Variants in PCDHA9 observed in about 807,000 individuals in gnomAD.
PCDHA9 encodes protocadherin alpha-9.
A neutral mutation model predicts 62.0 loss-of-function variants in PCDHA9; 62 were observed. The observed-to-expected ratio is 1.00, with a 90% CI of 0.81 to 1.23. PCDHA9 has a LOEUF of 1.23. Among genes scored for constraint, PCDHA9 ranks in the 50% most tolerant of loss-of-function variants. PCDHA9 has a pLI of 0.00. For missense variants in PCDHA9, 1,205 were observed against 1,249.8 expected (o/e 0.96, Z 0.54); for synonymous variants, 557 against 567.6 (o/e 0.98, Z 0.27).
At chr5:140,866,827 AT>A (rs1488157876) in intron 1 of PCDHA9, 1 of 152,132 alleles carries the variant, frequency 6.6e-6, no homozygotes, top group Non-Finnish European at 1.5e-5. Context: ...TCTTCAATTG[AT>A]TTTACAAAAT....
intron 1 of PCDHA9, chr5:140,871,341 C>G (rs2053000377): frequency 6.2e-7 from 1 of 1,614,188 alleles, no homozygotes; most frequent in African/African-American, 1.3e-5. Context: ...CGGTGGGGAG[C>G]TGGTCATACT....
chr5:140,869,210 C>T (rs781978731), intron 1 of PCDHA9: 2 of 1,613,814 alleles, frequency 1.2e-6, no homozygotes, highest in African/African-American at 2.7e-5. Context: ...TACTCCGTCT[C>T]GGAGGAGGCC....
At chr5:140,851,067 G>A in intron 1 of PCDHA9, 178 bp downstream of exon 1, 4 of 1,367,668 alleles carry the variant, frequency 2.9e-6, no homozygotes, top group Non-Finnish European at 3.8e-6. Context: ...CTTCTAGTGA[G>A]AATTATAAAC....
rs562972971 is a variant in PCDHA9, at chr5:140,960,395, A to AG, written c.2395-18547dup. 1.1e-4 allele frequency among the ~76,000 whole-genome samples: 17 copies of AG among 152,266 alleles called. No individual in the cohort carries two copies. The Middle Eastern group carries it at 0.014, about 123-fold the overall frequency. ...TTAAGTGCCAAGACATTAGGATGCAAGGGGGGGTGCCCAAAAAGTCAACAA... is the reference window on the plus strand; with the variant it reads ...TTAAGTGCCAAGACATTAGGATGCAAGGGGGGGGTGCCCAAAAAGTCAACAA... On this transcript the variant is annotated intron_variant, in intron 1 of 3. Coordinates refer to ENST00000532602, the MANE Select transcript of PCDHA9 (RefSeq NM_031857.2).
chr5:140,943,657 C>T (rs531235288), intron 1 of PCDHA9, among the ~76,000 whole-genome samples: 51 of 151,756 alleles, frequency 3.4e-4, no homozygotes, highest in African/African-American at 1.2e-3. Flanking sequence ...CATCTATGAA[C>T]AATGTATAAA....
Position 140,856,989 on chromosome 5 carries a change from C to T in PCDHA9, c.2394+6100C>T. 3.1e-6 allele frequency: 5 copies of T among 1,595,206 alleles called. 1 individual carries two copies. The highest frequency in any genetic ancestry group is 1.1e-5 in the South Asian group (1 of 90,500). ...GCTATTGACTTTGAGGACAGTAACA[C>T]TTATGAAATTCATGTAGATGTTACA... is the stretch of plus-strand genomic sequence containing the variant. On this transcript the variant is annotated intron_variant, in intron 1 of 3. Transcript: ENST00000532602.
intron 3 of PCDHA9, among the ~76,000 whole-genome samples, chr5:141,000,385 CTCTCTCTCTCTATATA>C (rs1454405199): frequency 1.1e-4 from 7 of 64,984 alleles, no homozygotes; most frequent in African/African-American, 4.8e-4. Flanking sequence ...CTCTCTCTCT[CTCTCTCTCTCTATATA>C]TATATATATA....
chr5:140,883,946 G>T (rs139225969), intron 1 of PCDHA9: 2 of 1,613,274 alleles, frequency 1.2e-6, no homozygotes, highest in Non-Finnish European at 1.7e-6. Flanking sequence ...GGACGAGAAC[G>T]ACAACGCTCC....
Position 140,849,883 on chromosome 5 carries a change from T to A in PCDHA9, c.1388T>A (p.Phe463Tyr), listed in dbSNP as rs2150456208. ...TTCGCGCAGTCCGAGTACACGGTGTTCGTGAAGGAGAACAACCCGCCGGGC... is the reference window on the plus strand; with the variant it reads ...TTCGCGCAGTCCGAGTACACGGTGTACGTGAAGGAGAACAACCCGCCGGGC... ...PAFAQSEYTV[F>Y]VKENNPPGCH... Residue 463 changes from phenylalanine (F) to tyrosine (Y), a missense_variant, in exon 1 of 4, where the codon TTC becomes TAC. By Grantham distance (22) the Phe-to-Tyr change is conservative. This residue lies in a region of PCDHA9 where 887 missense variants were observed against 809.5 expected (regional missense o/e 1.10). Coordinates refer to ENST00000532602, the MANE Select transcript of PCDHA9 (RefSeq NM_031857.2). The A allele has an allele frequency of 6.3e-7, 1 of 1,598,406 alleles. No homozygotes were observed. The highest frequency in any genetic ancestry group is 8.6e-7 in the Non-Finnish European group (1 of 1,167,924).
Position 140,850,813 on chromosome 5 carries a change from G to A in PCDHA9, c.2318G>A (p.Ser773Asn), listed in dbSNP as rs2150499202. 2 of 1,598,488 alleles carry A rather than the reference G, an allele frequency of 1.3e-6. No individual in the cohort carries two copies. The highest frequency in any genetic ancestry group is 1.7e-5 in the Admixed American group (1 of 59,306). Residue 773 changes from serine (S) to asparagine (N), a missense_variant, in exon 1 of 4, where the codon AGC (serine) becomes AAC (asparagine). Around this residue, in one of 3 missense-constraint regions of PCDHA9, gnomAD observed 887 missense variants for 809.5 expected, o/e 1.10. Coordinates refer to ENST00000532602, the MANE Select transcript of PCDHA9 (RefSeq NM_031857.2). ...CAGAAGACCGACCTCATGGCCTTCA[G>A]CCCGGGCCTTTCTCCTTGTGCTGGA... ...GKQKTDLMAF[S>N]PGLSPCAGST...
chr5:140,879,051 T>A (rs1446827922), intron 1 of PCDHA9, among the ~76,000 whole-genome samples: 1 of 152,166 alleles, frequency 6.6e-6, no homozygotes, highest in Non-Finnish European at 1.5e-5. Flanking sequence ...ATAGACAACA[T>A]TTTACCAAGA....
intron 1 of PCDHA9, chr5:140,877,589 C>T (rs1554169905): frequency 1.2e-6 from 2 of 1,613,848 alleles, no homozygotes; most frequent in Non-Finnish European, 1.7e-6. Context: ...GCCATCTGTG[C>T]GGTGTCCAGC....
At chr5:140,875,546 AGGTGGGGAGCG>A in intron 1 of PCDHA9, 1 of 1,614,002 alleles carries the variant, frequency 6.2e-7, no homozygotes, top group Non-Finnish European at 8.5e-7. Context: ...GCAGCCTGGG[AGGTGGGGAGCG>A]GCCAGCTCCA....
At chr5:140,967,972 G>A (rs781888174) in intron 1 of PCDHA9, 88 of 1,614,072 alleles carry the variant, frequency 5.5e-5, no homozygotes, top group Non-Finnish European at 7.3e-5. Flanking sequence ...AAGTGAGCCT[G>A]GGTCTGGAGG....
chr5:141,004,336 G>A (rs1554259546), intron 3 of PCDHA9, among the ~76,000 whole-genome samples: 1 of 152,224 alleles, frequency 6.6e-6, no homozygotes, highest in East Asian at 1.9e-4. Flanking sequence ...AGGCACAGTG[G>A]TCTGTGAGGG....
intron 3 of PCDHA9, among the ~76,000 whole-genome samples, chr5:141,000,339 A>ATC (rs1414297743): frequency 9.8e-6 from 1 of 102,338 alleles, no homozygotes; most frequent in Non-Finnish European, 2.1e-5. Context: ...GCAAGGCCCT[A>ATC]TCTCTCTCTC....
chr5:140,857,383 C>T (rs781834606), intron 1 of PCDHA9: 2 of 1,598,150 alleles, frequency 1.3e-6, no homozygotes, highest in Admixed American at 1.7e-5. Context: ...TGGAGGTGGC[C>T]GACGTGAACG....
intron 1 of PCDHA9, among the ~76,000 whole-genome samples, chr5:140,977,021 A>G (rs1249097233): frequency 1.3e-5 from 2 of 152,190 alleles, no homozygotes; most frequent in East Asian, 3.8e-4. Context: ...ATTCTGTCAA[A>G]TGAATCTAAG....
chr5:140,963,543 T>C (rs1390082859), intron 1 of PCDHA9, among the ~76,000 whole-genome samples: 2 of 152,238 alleles, frequency 1.3e-5, no homozygotes, highest in East Asian at 1.9e-4. Flanking sequence ...TACTTCATGA[T>C]ATAAAAAGGG....
Sources: allele counts gnomAD v4.1 joint callset (sites outside exome capture counted in the v4.1 genomes callset), GRCh38; gene constraint gnomAD v4.1.1; regional missense constraint gnomAD v4.1.1; transcripts MANE v1.5; gene names NCBI Gene and HGNC (gene_info 2026-07-23, HGNC 2026-07-21).